Variants in THSD4 observed in about 807,000 individuals in gnomAD.
The protein encoded by THSD4 is thrombospondin type 1 domain containing 4, also known as thrombospondin type-1 domain-containing protein 4.
In THSD4, 69 loss-of-function variants were observed where a neutral mutation model predicts 119.0. The observed-to-expected ratio is 0.58, with a 90% CI of 0.48 to 0.71. The LOEUF (loss-of-function observed/expected upper bound fraction) is 0.71. Ranked by LOEUF, THSD4 falls within the 30% of genes least tolerant of loss-of-function variation. The pLI is 0.00. For synonymous variants in THSD4, 524 were observed against 540.4 expected (o/e 0.97, Z 0.42); for missense variants, 1,393 against 1,391.1 (o/e 1.00, Z -0.02).
chr15:71,212,238 A>G (rs2043893287), intron 3 of THSD4, among the ~76,000 whole-genome samples: 1 of 152,196 alleles, frequency 6.6e-6, no homozygotes, highest in South Asian at 2.1e-4. Flanking sequence ...TACTATAAAA[A>G]TGCAATTCTG....
At chr15:71,383,200 G>A (rs2140455814) in intron 6 of THSD4, among the ~76,000 whole-genome samples, 1 of 152,196 alleles carries the variant, frequency 6.6e-6, no homozygotes, top group Non-Finnish European at 1.5e-5. Flanking sequence ...TGTAATTTTG[G>A]GGGACCAGCA....
At chr15:71,118,909 C>T (rs191734108) in intron 1 of THSD4, among the ~76,000 whole-genome samples, 10 of 152,288 alleles carry the variant, frequency 6.6e-5, no homozygotes, top group East Asian at 1.9e-4. Context: ...TCCGCAGGAC[C>T]GCTGTGCTGA....
chr15:71,737,830 G>A lies in THSD4; in HGVS notation c.1729G>A (p.Ala577Thr), dbSNP rs2053146543. Residue 577 changes from alanine to threonine, a missense_variant, in exon 11 of 18, where the codon GCC (alanine) becomes ACC (threonine). Transcript: ENST00000261862. ...GGAGAAGGAAGACTTGCGTGGGGAG[G>A]CCCCTGAGATGTTCACCTCAGAATC... ...NEEKEDLRGE[A>T]PEMFTSESAQ... 3.7e-6 allele frequency: 6 copies of A among 1,614,216 alleles called. No individual in the cohort carries two copies. The highest frequency in any genetic ancestry group is 1.7e-5 in the Admixed American group (1 of 60,030).
intron 4 of THSD4, among the ~76,000 whole-genome samples, chr15:71,230,963 A>G (rs2044055862): frequency 6.6e-6 from 1 of 152,160 alleles, no homozygotes; most frequent in South Asian, 2.1e-4. Flanking sequence ...TAACCTGCTC[A>G]ACTGTAGGTG....
chr15:71,280,394 A>C (rs576735975), intron 6 of THSD4, among the ~76,000 whole-genome samples: 7 of 152,190 alleles, frequency 4.6e-5, no homozygotes, highest in Non-Finnish European at 1.0e-4. Context: ...CTTCAGGAAA[A>C]TTAATCTGGC....
At chr15:71,726,767 G>C (rs546685598) in intron 8 of THSD4, among the ~76,000 whole-genome samples, 1 of 151,950 alleles carries the variant, frequency 6.6e-6, no homozygotes, top group African/African-American at 2.4e-5. Flanking sequence ...GTGAAACCCC[G>C]TCTCTACTAA....
At chr15:71,339,349 T>C in intron 6 of THSD4, among the ~76,000 whole-genome samples, 1 of 152,150 alleles carries the variant, frequency 6.6e-6, no homozygotes, top group Non-Finnish European at 1.5e-5. Flanking sequence ...CCAAGTTTAA[T>C]GACTCAGGAA....
intron 8 of THSD4, among the ~76,000 whole-genome samples, chr15:71,662,767 A>C (rs1461812913): frequency 6.6e-6 from 1 of 152,166 alleles, no homozygotes; most frequent in Non-Finnish European, 1.5e-5. Flanking sequence ...CCTTATAAGT[A>C]GTCATGCGAT....
At chr15:71,534,181 C>T (rs892698241) in intron 7 of THSD4, among the ~76,000 whole-genome samples, 10 of 152,144 alleles carry the variant, frequency 6.6e-5, no homozygotes, top group African/African-American at 2.4e-4. Flanking sequence ...AACTCCTGGG[C>T]TCAAGCAATC....
chr15:71,448,870 G>A (rs2047226081), intron 7 of THSD4, among the ~76,000 whole-genome samples: 1 of 152,224 alleles, frequency 6.6e-6, no homozygotes, highest in Non-Finnish European at 1.5e-5. Flanking sequence ...AGTCAGGGTG[G>A]TGAAAAGTTA....
chr15:71,625,514 A>T (rs756300158), intron 7 of THSD4, among the ~76,000 whole-genome samples: 4 of 152,204 alleles, frequency 2.6e-5, no homozygotes, highest in Non-Finnish European at 5.9e-5. Context: ...GAAAAACAGG[A>T]GGACAAAGGA....
chr15:71,163,175 T>C (rs1301831445), intron 3 of THSD4, among the ~76,000 whole-genome samples: 1 of 151,934 alleles, frequency 6.6e-6, no homozygotes, highest in Non-Finnish European at 1.5e-5. Flanking sequence ...TTATGCTCCT[T>C]TAGGGGTATA....
chr15:71,466,095 A>G (rs1317114238), intron 7 of THSD4, among the ~76,000 whole-genome samples: 1 of 152,148 alleles, frequency 6.6e-6, no homozygotes, highest in Non-Finnish European at 1.5e-5. Context: ...CACACCTGTA[A>G]TCCCAGCACT....
intron 3 of THSD4, among the ~76,000 whole-genome samples, chr15:71,168,835 A>G (rs766965867): frequency 6.6e-6 from 1 of 152,232 alleles, no homozygotes; most frequent in Non-Finnish European, 1.5e-5. Flanking sequence ...GCTATATTCA[A>G]TAAGAAGAAA....
At chr15:71,520,644 A>G (rs539847470) in intron 7 of THSD4, among the ~76,000 whole-genome samples, 1 of 152,316 alleles carries the variant, frequency 6.6e-6, no homozygotes, top group African/African-American at 2.4e-5. Flanking sequence ...AGCACTTACA[A>G]TGTGTCAGGT....
intron 6 of THSD4, among the ~76,000 whole-genome samples, chr15:71,367,217 C>T (rs1301716535): frequency 7.2e-6 from 1 of 138,842 alleles, no homozygotes; most frequent in African/African-American, 2.7e-5. Context: ...GCTAGGCTCT[C>T]TTTTTTTTTT....
intron 2 of THSD4, among the ~76,000 whole-genome samples, chr15:71,154,241 GCTC>G (rs1159636962): frequency 1.3e-5 from 2 of 152,164 alleles, no homozygotes; most frequent in African/African-American, 4.8e-5. Flanking sequence ...GTCTCAGCCG[GCTC>G]CTATTTCCCC....
At chr15:71,560,970 C>CAT (rs200892599) in intron 7 of THSD4, among the ~76,000 whole-genome samples, 6 of 123,984 alleles carry the variant, frequency 4.8e-5, no homozygotes, top group African/African-American at 9.0e-5. Flanking sequence ...TTCTCTTTAT[C>CAT]TTTTTTTTTT....
intron 6 of THSD4, among the ~76,000 whole-genome samples, chr15:71,311,297 A>G (rs1484675068): frequency 6.6e-6 from 1 of 152,232 alleles, no homozygotes; most frequent in African/African-American, 2.4e-5. Context: ...TGCATTGGCC[A>G]GAAGTGCACC....
Sources: gnomAD v4.1 joint callset for allele counts (sites outside exome capture counted in the v4.1 genomes callset) on GRCh38, gnomAD v4.1.1 for gene constraint, MANE v1.5 for transcripts, NCBI Gene and HGNC (gene_info 2026-07-23, HGNC 2026-07-21) for gene names.